Variants in BMPR1B observed in about 807,000 individuals in gnomAD.
BMPR1B encodes bone morphogenetic protein receptor type 1B.
In BMPR1B, 12 loss-of-function variants were observed where a neutral mutation model predicts 59.1. The observed-to-expected ratio is 0.20, with a 90% CI of 0.13 to 0.33. The LOEUF (loss-of-function observed/expected upper bound fraction) is 0.33. BMPR1B is among the 10% of genes least tolerant of loss of function. The probability of loss-of-function intolerance (pLI) is 1.00; values close to 1 mark genes in which losing one functional copy is unlikely to be tolerated. For missense variants in BMPR1B, 550 were observed against 610.9 expected, an observed-to-expected ratio of 0.90 and a Z score of 1.05; for synonymous variants, 237 against 207.3, an observed-to-expected ratio of 1.14 and a Z score of -1.23.
At chr4:94,833,043 T>C (rs1724664228) in intron 1 of BMPR1B, among the ~76,000 whole-genome samples, 1 of 151,526 alleles carries the variant, frequency 6.6e-6, no homozygotes, top group Non-Finnish European at 1.5e-5. Flanking sequence ...AAACAAAAAT[T>C]AGCCATGCCT....
chr4:94,879,372 AG>A (rs1272405374), intron 2 of BMPR1B, among the ~76,000 whole-genome samples: 3 of 152,220 alleles, frequency 2.0e-5, no homozygotes, highest in Non-Finnish European at 4.4e-5. Context: ...AGGTCAAGGC[AG>A]GAGGATTGCT....
At chr4:95,034,630 G>A (rs1195555875) in intron 3 of BMPR1B, among the ~76,000 whole-genome samples, 1 of 143,130 alleles carries the variant, frequency 7.0e-6, no homozygotes, top group Non-Finnish European at 1.5e-5. Context: ...TGGCTTAGTA[G>A]TATTCCATGT....
chr4:95,068,555 A>G (rs1189265981), intron 3 of BMPR1B, among the ~76,000 whole-genome samples: 1 of 152,142 alleles, frequency 6.6e-6, no homozygotes, highest in Admixed American at 6.5e-5. Context: ...CAACCATTCT[A>G]TACTCATGTA....
chr4:94,877,415 G>T (rs1726773825), intron 2 of BMPR1B, among the ~76,000 whole-genome samples: 1 of 152,190 alleles, frequency 6.6e-6, no homozygotes, highest in Admixed American at 6.5e-5. Flanking sequence ...TTGGGATGGG[G>T]TTAGAGAACC....
intron 3 of BMPR1B, 36 bp downstream of exon 3, chr4:94,996,170 G>C (rs1449204596): frequency 6.6e-6 from 1 of 152,100 alleles, no homozygotes; most frequent in Non-Finnish European, 1.5e-5. Context: ...GCTGTTACTC[G>C]TAAACTCTCT....
At chr4:95,016,794 A>C (rs1723616062) in intron 3 of BMPR1B, among the ~76,000 whole-genome samples, 1 of 152,172 alleles carries the variant, frequency 6.6e-6, no homozygotes, top group Admixed American at 6.5e-5. Context: ...ATAAAAATAT[A>C]TTTGTCCCCT....
intron 2 of BMPR1B, among the ~76,000 whole-genome samples, chr4:94,888,266 T>C (rs779054518): frequency 4.6e-5 from 7 of 151,954 alleles, no homozygotes; most frequent in Non-Finnish European, 1.0e-4. Flanking sequence ...ATCCAAATCA[T>C]GACTAGGAAA....
At chr4:94,870,720 A>G (rs1330888758) in intron 1 of BMPR1B, among the ~76,000 whole-genome samples, 1 of 152,184 alleles carries the variant, frequency 6.6e-6, no homozygotes, top group Admixed American at 6.5e-5. Context: ...AGCAAAAATT[A>G]GCCTCTATTA....
intron 1 of BMPR1B, among the ~76,000 whole-genome samples, chr4:94,860,808 C>T (rs1393739184): frequency 7.5e-6 from 1 of 132,916 alleles, no homozygotes; most frequent in Non-Finnish European, 1.5e-5. Context: ...TTGGACAAAA[C>T]CTTTTATATG....
At chr4:94,927,037 T>G (rs1380183073) in intron 2 of BMPR1B, among the ~76,000 whole-genome samples, 1 of 152,182 alleles carries the variant, frequency 6.6e-6, no homozygotes, top group African/African-American at 2.4e-5. Flanking sequence ...TACCCACAAT[T>G]CTTAAGTTTT....
At chr4:94,863,770 A>C (rs1726094643) in intron 1 of BMPR1B, among the ~76,000 whole-genome samples, 1 of 152,372 alleles carries the variant, frequency 6.6e-6, no homozygotes. Context: ...AGTGTTAATT[A>C]TACAAATGAA....
At chr4:95,056,503 A>G (rs1185789654) in intron 3 of BMPR1B, among the ~76,000 whole-genome samples, 2 of 152,178 alleles carry the variant, frequency 1.3e-5, no homozygotes, top group African/African-American at 4.8e-5. Context: ...AAGAAAAACT[A>G]AAGGAAACAC....
rs753747914 is a variant in BMPR1B, at chr4:95,104,576, T to C, written c.143+9T>C. The C allele has an allele frequency of 1.5e-5, 25 of 1,613,134 alleles. No homozygotes were observed. Among genetic ancestry groups the C allele is most frequent in the Middle Eastern group, 1.6e-4 (1 of 6,072 alleles). ...GTCAACAATATTTGCAGGTTGGTGATATAAATGATTTAAAGCTAGCTTTAA... is the reference window on the plus strand; with the variant it reads ...GTCAACAATATTTGCAGGTTGGTGACATAAATGATTTAAAGCTAGCTTTAA... On this transcript the variant is annotated intron_variant, in intron 4 of 12. Coordinates refer to ENST00000515059, the MANE Select transcript of BMPR1B (RefSeq NM_001203.3).
chr4:94,768,147 T>C (rs1180084766), intron 1 of BMPR1B, among the ~76,000 whole-genome samples: 4 of 152,132 alleles, frequency 2.6e-5, no homozygotes, highest in Non-Finnish European at 5.9e-5. Context: ...GTGTATATTC[T>C]AATTGCAGTC....
intron 10 of BMPR1B, among the ~76,000 whole-genome samples, chr4:95,139,635 C>T (rs1034440846): frequency 2.0e-5 from 3 of 152,330 alleles, no homozygotes; most frequent in South Asian, 2.1e-4. Flanking sequence ...CCCTCAGCCT[C>T]GCTGCCGCCT....
intron 1 of BMPR1B, among the ~76,000 whole-genome samples, chr4:94,873,479 T>C (rs1726585169): frequency 6.6e-6 from 1 of 151,410 alleles, no homozygotes; most frequent in Non-Finnish European, 1.5e-5. Context: ...CGATCTCGGC[T>C]CACTGCAACT....
chr4:94,797,569 T>C (rs1723242751), intron 1 of BMPR1B, among the ~76,000 whole-genome samples: 1 of 152,234 alleles, frequency 6.6e-6, no homozygotes, highest in Non-Finnish European at 1.5e-5. Context: ...TCAACAACTT[T>C]GGGTCTGGTG....
chr4:94,836,762 A>T (rs1190307429), intron 1 of BMPR1B, among the ~76,000 whole-genome samples: 1 of 147,422 alleles, frequency 6.8e-6, no homozygotes, highest in African/African-American at 2.5e-5. Context: ...CTTTATTTTA[A>T]TTAGATCCCA....
At chr4:94,928,309 T>C (rs528585310) in intron 2 of BMPR1B, among the ~76,000 whole-genome samples, 119 of 152,050 alleles carry the variant, frequency 7.8e-4, no homozygotes, top group African/African-American at 2.4e-3. Context: ...ACTACAGGCA[T>C]GCACCACTGT....
Sources: allele counts gnomAD v4.1 joint callset (sites outside exome capture counted in the v4.1 genomes callset), GRCh38; gene constraint gnomAD v4.1.1; transcripts MANE v1.5; gene names NCBI Gene and HGNC (gene_info 2026-07-23, HGNC 2026-07-21).